Variants in GPR158 observed in about 807,000 individuals in gnomAD.
GPR158 encodes metabotropic glycine receptor.
GPR158 carries 30 observed loss-of-function variants against 78.2 expected under a neutral mutation model. The observed-to-expected ratio is 0.38, with a 90% CI of 0.29 to 0.52. The LOEUF (loss-of-function observed/expected upper bound fraction) is 0.52, where lower values mean the gene tolerates loss of function less well. Ranked by LOEUF, GPR158 falls within the 20% of genes least tolerant of loss-of-function variation. The pLI, the probability that GPR158 is intolerant of heterozygous loss-of-function variation, is 0.83. For missense variants in GPR158, 1,463 were observed against 1,523.5 expected (o/e 0.96, Z 0.66); for synonymous variants, 581 against 591.1 (o/e 0.98, Z 0.25).
chr10:25,176,313 C>A lies in GPR158; in HGVS notation c.893C>A (p.Pro298Gln). 1 of 1,575,114 alleles carries A rather than the reference C, an allele frequency of 6.3e-7. No individual in the cohort carries two copies. Reference sequence around the variant, plus strand: ...TACGGGTTGCAGCCTAACCTGGTCCCGGAATTCAGGTAGGGAGGGCCGGGG... The same window carrying A: ...TACGGGTTGCAGCCTAACCTGGTCCAGGAATTCAGGTAGGGAGGGCCGGGG... ...AIYGLQPNLV[P>Q]EFRGVMKVDI... is the part of the protein sequence containing the mutation. The change falls in exon 1 of 11, where the codon CCG becomes CAG. Residue 298 changes from proline (P) to glutamine (Q), a missense_variant. Transcript: ENST00000376351. This position sits in a 1 kb window ranked among gnomAD's most constrained non-coding sequence, Gnocchi z 6.3.
Position 25,175,934 on chromosome 10 carries a change from T to C in GPR158, c.514T>C (p.Ser172Pro). ...CCTTCTGGAGGGCGAGCCCAGCATC[T>C]CCCGGGCGGCCATCACCTTCAGCAC... ...WSLLEGEPSI[S>P]RAAITFSTDS... The change falls in exon 1 of 11, where the codon TCC (serine) becomes CCC (proline). Residue 172 changes from serine (S) to proline (P), a missense_variant. Transcript: ENST00000376351. The surrounding 1 kb of genome is among the most constrained non-coding windows in gnomAD (Gnocchi z 6.4). The C allele has an allele frequency of 6.2e-7, 1 of 1,613,490 alleles. No individual in the cohort carries two copies. The highest frequency in any genetic ancestry group is 8.5e-7 in the Non-Finnish European group (1 of 1,179,962).
intron 2 of GPR158, among the ~76,000 whole-genome samples, chr10:25,276,744 A>G (rs1854188035): frequency 6.6e-6 from 1 of 152,146 alleles, no homozygotes; most frequent in South Asian, 2.1e-4. Context: ...TTTAATCAAG[A>G]AAAATGCTTT....
At chr10:25,468,087 T>A (rs138028256) in intron 5 of GPR158, among the ~76,000 whole-genome samples, 1 of 152,222 alleles carries the variant, frequency 6.6e-6, no homozygotes, top group African/African-American at 2.4e-5. Flanking sequence ...TAGGAATTTC[T>A]CCTTTGCCCT....
intron 2 of GPR158, among the ~76,000 whole-genome samples, chr10:25,362,818 A>C (rs34477553): frequency 0.14 from 20,942 of 151,898 alleles, 1,731 homozygotes; most frequent in African/African-American, 0.23. Flanking sequence ...TTCATTTATT[A>C]GTTCTAACAG....
At chr10:25,480,006 A>G (rs1588881637) in intron 5 of GPR158, among the ~76,000 whole-genome samples, 4 of 151,634 alleles carry the variant, frequency 2.6e-5, no homozygotes, top group South Asian at 2.1e-4. Flanking sequence ...GACCTCTCCA[A>G]TGTTTTTGTT....
intron 2 of GPR158, among the ~76,000 whole-genome samples, chr10:25,380,884 A>G (rs1834145395): frequency 6.6e-6 from 1 of 152,212 alleles, no homozygotes; most frequent in Admixed American, 6.5e-5. Context: ...ACATATAGCT[A>G]AAAGGTAGAA....
rs1361635 is a variant in GPR158 at position 25,466,807 on chromosome 10, T to C, written c.1404+88T>C. 6.4e-3 allele frequency: 1,093 copies of C among 169,768 alleles called. 9 individuals are homozygous for C. Among genetic ancestry groups the C allele is most frequent in the South Asian group, 0.041 (330 of 8,042 alleles). 10.5% of individuals were successfully genotyped at this position (169,768 alleles called of 1,614,324 possible). On this transcript the variant is annotated intron_variant, in intron 5 of 10. Coordinates refer to ENST00000376351, the MANE Select transcript of GPR158 (RefSeq NM_020752.3). ...CTGTTTACACACACACACACACACA[T>C]ACACACACCCTGGTGTTACTAGGAA...
At chr10:25,296,609 C>A (rs919064140) in intron 2 of GPR158, among the ~76,000 whole-genome samples, 1 of 151,582 alleles carries the variant, frequency 6.6e-6, no homozygotes, top group African/African-American at 2.4e-5. Context: ...AAAATGAGTA[C>A]CCAGTATGTT....
intron 3 of GPR158, among the ~76,000 whole-genome samples, chr10:25,405,609 A>G (rs764628708): frequency 1.5e-5 from 2 of 134,306 alleles, no homozygotes; most frequent in Non-Finnish European, 3.1e-5. Flanking sequence ...CTGCTTGGGT[A>G]GTTTGATTAG....
At position 25,252,840 on chromosome 10, in the gene GPR158, A is replaced by G. The variant is rs1304554677; in HGVS notation, c.1008+31683A>G. On this transcript the variant is annotated intron_variant, in intron 2 of 10. Transcript: ENST00000376351. ...GCCTCCTTGAGCTGTGGTGGGCTCC[A>G]CCCAGTTCGAGCTTCCTGGCTGCTT... Among the ~76,000 whole-genome samples, 30 of 152,018 alleles carry G rather than the reference A, an allele frequency of 2.0e-4. No individual in the cohort carries two copies. In the South Asian group the frequency reaches 5.4e-3, roughly 27 times the overall value.
chr10:25,363,143 C>A (rs1017958290), intron 2 of GPR158, among the ~76,000 whole-genome samples: 1 of 151,668 alleles, frequency 6.6e-6, no homozygotes, highest in South Asian at 2.1e-4. Context: ...TTAATGCAAC[C>A]AAAGGTTGTT....
intron 6 of GPR158, among the ~76,000 whole-genome samples, chr10:25,559,432 A>G (rs11014607): frequency 0.16 from 23,763 of 152,210 alleles, 4,229 homozygotes; most frequent in African/African-American, 0.43. Context: ...ATGTGTATCA[A>G]GAGCTTTTTA....
intron 4 of GPR158, among the ~76,000 whole-genome samples, chr10:25,447,423 C>T (rs1259995883): frequency 6.6e-6 from 1 of 152,174 alleles, no homozygotes; most frequent in Non-Finnish European, 1.5e-5. Flanking sequence ...TTAGTTACCA[C>T]CTTATGTGTG....
chr10:25,596,587 A>G lies in GPR158; in HGVS notation c.1999-56A>G, dbSNP rs1465943043. 4 of 1,294,432 alleles carry G rather than the reference A, an allele frequency of 3.1e-6. No individual in the cohort carries two copies. In the East Asian group the frequency reaches 7.4e-5, roughly 24 times the overall value. 80.2% of individuals were successfully genotyped at this position (1,294,432 alleles called of 1,614,324 possible). A position where few individuals can be genotyped will look rare whatever the true frequency, so the allele number is the denominator to read the frequency against. On this transcript the variant is annotated intron_variant, in intron 9 of 10. Coordinates refer to ENST00000376351, the MANE Select transcript of GPR158 (RefSeq NM_020752.3). Reference sequence around the variant, plus strand: ...TATAGGTATAGATATAGATATAGATATATGCAATGCGTTACAGTGAGCTAA... The same window carrying G: ...TATAGGTATAGATATAGATATAGATGTATGCAATGCGTTACAGTGAGCTAA...
At chr10:25,223,553 T>C (rs1853331142) in intron 2 of GPR158, among the ~76,000 whole-genome samples, 1 of 152,184 alleles carries the variant, frequency 6.6e-6, no homozygotes, top group African/African-American at 2.4e-5. Context: ...CATAGGGATG[T>C]GAGTTAGAGA....
rs1411686027 is a variant in GPR158 at position 25,589,120 on chromosome 10, A to G, written c.1867A>G (p.Ile623Val). 1.4e-5 allele frequency: 23 copies of G among 1,611,984 alleles called. No individual in the cohort carries two copies. The highest frequency in any genetic ancestry group is 2.2e-5 in the East Asian group (1 of 44,848). ...TGTTGCAGTTCACAATGAGCTCATC[A>G]TCTCTGCTATATTCCATACAATTAG... ...MAVAVHNELIISAIFHTIRFV... is the reference protein window; with the variant it reads ...MAVAVHNELIVSAIFHTIRFV... Residue 623 changes from isoleucine to valine, a missense_variant, in exon 8 of 11, where the codon ATC (isoleucine) becomes GTC (valine). By Grantham distance (29) the Ile-to-Val change is conservative (BLOSUM62 3). Coordinates refer to ENST00000376351, the MANE Select transcript of GPR158 (RefSeq NM_020752.3).
chr10:25,177,541 C>G (rs555101469), intron 1 of GPR158, among the ~76,000 whole-genome samples: 3 of 152,300 alleles, frequency 2.0e-5, no homozygotes, highest in South Asian at 2.1e-4. Context: ...GATGCCAGAT[C>G]AAGTACTGGG....
chr10:25,430,560 C>T (rs1439536395), intron 4 of GPR158, among the ~76,000 whole-genome samples: 2 of 150,742 alleles, frequency 1.3e-5, no homozygotes, highest in Non-Finnish European at 2.9e-5. Context: ...CCAAGTCAAT[C>T]CTAAGCCAAA....
In GPR158 at chr10:25,601,927, A is replaced by G. The variant is rs1837504737; in HGVS notation, c.*2653A>G. On this transcript the variant is annotated 3_prime_UTR_variant, in exon 11 of 11. Coordinates refer to ENST00000376351, the MANE Select transcript of GPR158 (RefSeq NM_020752.3). ...TGAAGTATAACTCAACCCATTGTAA[A>G]CTTTGGTGGCAATATGGATTTGAAA... 6.6e-6 allele frequency: 1 copy of G among 152,564 alleles called. No homozygotes were observed. Among genetic ancestry groups the G allele is most frequent in the Non-Finnish European group, 1.5e-5 (1 of 68,024 alleles). The allele number at this position is 152,564 out of a possible 1,614,324, so 9.5% of individuals were successfully genotyped here.
Sources: allele counts gnomAD v4.1 joint callset (sites outside exome capture counted in the v4.1 genomes callset), GRCh38; gene constraint gnomAD v4.1.1; non-coding constraint Gnocchi (gnomAD v3.1); transcripts MANE v1.5; gene names NCBI Gene and HGNC (gene_info 2026-07-23, HGNC 2026-07-21).